Variants in KLHL13 observed in about 807,000 individuals in gnomAD.
KLHL13 encodes the protein kelch-like protein 13.
KLHL13 carries 10 observed loss-of-function variants against 37.1 expected under a neutral mutation model. The ratio of observed to expected loss-of-function variants is 0.27; its 90% confidence interval spans 0.17 to 0.46. KLHL13 has a LOEUF of 0.46. Ranked by LOEUF, KLHL13 falls within the 20% of genes least tolerant of loss-of-function variation. The probability of loss-of-function intolerance (pLI) is 1.00; values close to 1 mark genes in which losing one functional copy is unlikely to be tolerated. For synonymous variants in KLHL13, 163 were observed against 181.2 expected (o/e 0.90, Z 0.81); for missense variants, 360 against 509.3 (o/e 0.71, Z 2.82).
chrX:118,007,392 A>AAGAGAGAG (rs1555984409), intron 1 of KLHL13, among the ~76,000 whole-genome samples: 1 of 103,982 alleles, frequency 9.6e-6, no homozygotes, highest in African/African-American at 3.8e-5. Context: ...AAAAAAAAAA[A>AAGAGAGAG]AGAGAGAGAG....
At chrX:117,918,593 T>C (rs1033488096) in intron 4 of KLHL13, among the ~76,000 whole-genome samples, 1 of 111,730 alleles carries the variant, frequency 9.0e-6, no homozygotes, top group Non-Finnish European at 1.9e-5. Flanking sequence ...TTCTGTCCAA[T>C]GTAGCCATTT....
intron 1 of KLHL13, among the ~76,000 whole-genome samples, chrX:117,957,120 A>G (rs1031797489): frequency 2.7e-5 from 3 of 111,676 alleles, no homozygotes; most frequent in Non-Finnish European, 5.7e-5. Context: ...TCAACTGCTA[A>G]GTTCAACTGA....
chrX:118,034,935 A>G (rs1240840669), intron 1 of KLHL13, among the ~76,000 whole-genome samples: 2 of 89,526 alleles, frequency 2.2e-5, no homozygotes. Context: ...ACAGAAATAC[A>G]AACTACCATC....
At chrX:117,903,941 T>C (rs1930328403) in intron 5 of KLHL13, among the ~76,000 whole-genome samples, 1 of 111,458 alleles carries the variant, frequency 9.0e-6, no homozygotes, top group African/African-American at 3.3e-5. Context: ...TTCTTATTCT[T>C]TTTATAGTGG....
intron 1 of KLHL13, among the ~76,000 whole-genome samples, chrX:118,012,413 ACCTGCAT>A (rs1372190765): frequency 9.1e-6 from 1 of 110,252 alleles, no homozygotes; most frequent in Non-Finnish European, 1.9e-5. Context: ...TCTAGAGGCT[ACCTGCAT>A]TCTTGGCTTG....
chrX:118,093,239 C>A (rs1221891301), intron 1 of KLHL13, among the ~76,000 whole-genome samples: 3 of 111,599 alleles, frequency 2.7e-5, no homozygotes, highest in African/African-American at 9.7e-5. Context: ...AAACTAAAAG[C>A]CAAAGTTCCT....
exon 1 of KLHL13, chrX:117,973,149 C>G (rs1307539124): frequency 1.1e-6 from 1 of 943,135 alleles, no homozygotes; most frequent in African/African-American, 2.0e-5. Flanking sequence ...TTAATAAAAG[C>G]AGCCAGGCTT....
chrX:118,046,354 T>C (rs2054559851), intron 1 of KLHL13, among the ~76,000 whole-genome samples: 1 of 111,831 alleles, frequency 8.9e-6, no homozygotes, highest in Admixed American at 9.5e-5. Context: ...ATTGAACTCA[T>C]GGAGACAGAT....
intron 1 of KLHL13, among the ~76,000 whole-genome samples, chrX:118,032,013 C>T (rs1287741246): frequency 1.8e-5 from 2 of 111,234 alleles, no homozygotes; most frequent in African/African-American, 3.3e-5. Flanking sequence ...CACTCCCACC[C>T]GAATACTGCG....
intron 1 of KLHL13, among the ~76,000 whole-genome samples, chrX:117,996,633 T>G (rs5956839): frequency 0.065 from 7,181 of 110,936 alleles, 553 homozygotes; most frequent in African/African-American, 0.22. Flanking sequence ...GTGAGGTGTT[T>G]TTACCTGCAT....
Position 117,909,870 on chromosome X carries a change from C to A in KLHL13, c.797G>T (p.Arg266Leu). The A allele has an allele frequency of 8.3e-7, 1 of 1,211,061 alleles. No individual in the cohort carries two copies. The highest frequency in any genetic ancestry group is 3.0e-5 in the East Asian group (1 of 33,821). The change falls in exon 5 of 7, where the codon CGC (arginine) becomes CTC (leucine). Residue 266 changes from arginine (R) to leucine (L), a missense_variant. Coordinates refer to ENST00000262820, the Ensembl canonical transcript of KLHL13. Reference sequence around the variant, plus strand: ...AAAGTCCATCCGAGGCTCTTCCAGGCGAAGCCAACGACAGGTAGCCTTAAA... The same window carrying A: ...AAAGTCCATCCGAGGCTCTTCCAGGAGAAGCCAACGACAGGTAGCCTTAAA...
At chrX:118,070,857 T>A (rs1192212712) in intron 1 of KLHL13, among the ~76,000 whole-genome samples, 1 of 110,089 alleles carries the variant, frequency 9.1e-6, no homozygotes, top group African/African-American at 3.3e-5. Context: ...CTGCACCCAC[T>A]AGCTCGTCAT....
At chrX:117,938,616 G>A (rs763352853) in intron 2 of KLHL13, among the ~76,000 whole-genome samples, 11 of 111,306 alleles carry the variant, frequency 9.9e-5, no homozygotes, top group Non-Finnish European at 1.5e-4. Context: ...ATCATTGTTC[G>A]GTTTCTAGTA....
chrX:117,954,500 G>A (rs1324827511), intron 1 of KLHL13, among the ~76,000 whole-genome samples: 2 of 112,096 alleles, frequency 1.8e-5, no homozygotes, highest in Non-Finnish European at 3.8e-5. Context: ...TTTTCTGAAT[G>A]AGATAATTAT....
chrX:118,100,335 T>C (rs1341194657), intron 1 of KLHL13, among the ~76,000 whole-genome samples: 1 of 111,493 alleles, frequency 9.0e-6, no homozygotes, highest in Non-Finnish European at 1.9e-5. Context: ...TACAGTTTAT[T>C]GGCGTAACGT....
chrX:118,032,792 C>T (rs180985467), intron 1 of KLHL13, among the ~76,000 whole-genome samples: 1 of 111,639 alleles, frequency 9.0e-6, no homozygotes, highest in Admixed American at 9.5e-5. Flanking sequence ...CAAATTACTC[C>T]GAGCTAAGGG....
intron 2 of KLHL13, among the ~76,000 whole-genome samples, chrX:117,927,470 G>C (rs945588078): frequency 4.5e-5 from 5 of 112,294 alleles, no homozygotes; most frequent in African/African-American, 1.6e-4. Context: ...TTTGGGCCAA[G>C]ATGTGGGTGC....
At chrX:118,079,479 C>A (rs944844648) in intron 1 of KLHL13, among the ~76,000 whole-genome samples, 12 of 110,641 alleles carry the variant, frequency 1.1e-4, no homozygotes, top group Admixed American at 1.1e-3. Flanking sequence ...AAATCGGTAA[C>A]CTTTGTATAC....
At chrX:118,008,398 G>A (rs1277344223) in intron 1 of KLHL13, among the ~76,000 whole-genome samples, 1 of 111,674 alleles carries the variant, frequency 9.0e-6, no homozygotes, top group Non-Finnish European at 1.9e-5. Flanking sequence ...TAGGGTAAAC[G>A]CCATAGGTGG....
Sources: gnomAD v4.1 joint callset for allele counts (sites outside exome capture counted in the v4.1 genomes callset) on GRCh38, gnomAD v4.1.1 for gene constraint, MANE v1.5 for transcripts, NCBI Gene and HGNC (gene_info 2026-07-23, HGNC 2026-07-21) for gene names.